Variants in MAK observed in about 807,000 individuals in gnomAD.
MAK encodes serine/threonine-protein kinase MAK.
In MAK, 65 loss-of-function variants were observed where a neutral mutation model predicts 82.6. The observed-to-expected ratio is 0.79, with a 90% CI of 0.64 to 0.97. The LOEUF is 0.97. Among genes scored for constraint, MAK ranks in the 50% least tolerant of loss-of-function variants. The probability of loss-of-function intolerance (pLI) is 0.00; values close to 1 mark genes in which losing one functional copy is unlikely to be tolerated. For missense variants in MAK, 703 were observed against 780.2 expected, an observed-to-expected ratio of 0.90 and a Z score of 1.18; for synonymous variants, 250 against 274.2, an observed-to-expected ratio of 0.91 and a Z score of 0.87.
In MAK at chr6:10,793,691, T is replaced by TA. The variant is rs1425175001; in HGVS notation, c.1144-1845dup. Among the ~76,000 whole-genome samples, 7 of 152,202 alleles carry TA rather than the reference T, an allele frequency of 4.6e-5. No individual in the cohort carries two copies. The highest frequency in any genetic ancestry group is 1.7e-4 in the African/African-American group (7 of 41,446). ...ATGTGTGTGTGGCGGGGCTGGGGGCTAGGTTATTCTCTTTAACTTAGAGAA... is the reference window on the plus strand; with the variant it reads ...ATGTGTGTGTGGCGGGGCTGGGGGCTAAGGTTATTCTCTTTAACTTAGAGAA... On this transcript the variant is annotated intron_variant, in intron 9 of 14. Coordinates refer to ENST00000354489, the MANE Select transcript of MAK (RefSeq NM_001242957.3). The surrounding 1 kb of genome is among the most constrained non-coding windows in gnomAD (Gnocchi z 4.6).
chr6:10,781,444 G>C (rs1319947686), intron 11 of MAK, among the ~76,000 whole-genome samples: 2 of 130,992 alleles, frequency 1.5e-5, no homozygotes, highest in Non-Finnish European at 3.1e-5. Context: ...TTTTTTTTGA[G>C]ACAGAGTCTC....
intron 13 of MAK, 95 bp downstream of exon 13, chr6:10,772,939 G>T: frequency 2.6e-6 from 2 of 781,024 alleles, no homozygotes; most frequent in Non-Finnish European, 4.3e-6. Flanking sequence ...GGATCATCTC[G>T]GCCTTTTATG....
chr6:10,773,146 A>C (rs1442837544), intron 12 of MAK, 38 bp from the exon 13 acceptor site: 5 of 1,126,074 alleles, frequency 4.4e-6, no homozygotes, highest in Admixed American at 2.2e-5. Flanking sequence ...AATAATAGTA[A>C]GGAGAATGTT....
At chr6:10,797,761 G>C in intron 8 of MAK, 1 of 1,231,488 alleles carries the variant, frequency 8.1e-7, no homozygotes. Flanking sequence ...ATGTGTAAGG[G>C]CAGTTTTTAG....
intron 14 of MAK, among the ~76,000 whole-genome samples, chr6:10,768,713 C>T (rs373271743): frequency 1.3e-5 from 2 of 152,206 alleles, no homozygotes; most frequent in South Asian, 4.1e-4. Flanking sequence ...GATAATGAAG[C>T]AATTCTTTTC....
chr6:10,794,628 C>T (rs966683269), intron 9 of MAK, among the ~76,000 whole-genome samples: 1 of 152,134 alleles, frequency 6.6e-6, no homozygotes, highest in Admixed American at 6.6e-5. Flanking sequence ...TAAAATACTA[C>T]AGCAACTGAA....
chr6:10,795,249 C>T (rs916802822), intron 9 of MAK, among the ~76,000 whole-genome samples: 2 of 151,806 alleles, frequency 1.3e-5, no homozygotes, highest in Admixed American at 6.6e-5. Flanking sequence ...GTCAGGAGTT[C>T]GAGACCAGCC....
At position 10,765,696 on chromosome 6, in the gene MAK, GTGATCCACCCACCTCAGCCTTGCCAA is replaced by G. The variant is rs545507386; in HGVS notation, c.1793-1116_1793-1091del. On this transcript the variant is annotated intron_variant, in intron 14 of 14. Coordinates refer to ENST00000354489, the MANE Select transcript of MAK (RefSeq NM_001242957.3). ...GCTGGTCTGGAACTCCTGACCTAAG[GTGATCCACCCACCTCAGCCTTGCCAA>G]TGATCCACCCACCTCAGCCTCCCAA... Among the ~76,000 whole-genome samples the G allele has an allele frequency of 8.6e-3, 1,306 of 152,032 alleles. 12 individuals are homozygous for G. The highest frequency in any genetic ancestry group is 0.014 in the Middle Eastern group (4 of 292).
intron 7 of MAK, among the ~76,000 whole-genome samples, chr6:10,803,368 A>T (rs921261092): frequency 1.8e-4 from 28 of 152,042 alleles, no homozygotes; most frequent in Non-Finnish European, 1.8e-4. Flanking sequence ...AACATGGTGA[A>T]ATCTCCTCTC....
intron 2 of MAK, 68 bp from the exon 3 acceptor site, chr6:10,819,008 G>A: frequency 1.2e-6 from 1 of 854,212 alleles, no homozygotes. Context: ...TACACTGTTG[G>A]CTTTCTTACT....
At chr6:10,783,820 A>G (rs1294404667) in intron 11 of MAK, among the ~76,000 whole-genome samples, 1 of 152,160 alleles carries the variant, frequency 6.6e-6, no homozygotes, top group Non-Finnish European at 1.5e-5. Context: ...GGAGATCGAG[A>G]CCATCCCGGC....
In MAK at chr6:10,817,129, A is replaced by T. The variant is rs1008480; in HGVS notation, c.278+721T>A. 8.0e-5 allele frequency among the ~76,000 whole-genome samples: 12 copies of T among 149,952 alleles called. No homozygotes were observed. The South Asian group carries it at 8.4e-4, about 11-fold the overall frequency. On this transcript the variant is annotated intron_variant, in intron 4 of 14. Transcript: ENST00000354489. The stretch of plus-strand genomic sequence containing the variant: ...GTAACATCCTCAGACCTTGAGCGAG[A>T]GTGTGTGTGTGTGTGTGTGTGTGTA...
At chr6:10,768,544 G>A (rs1772684929) in intron 14 of MAK, among the ~76,000 whole-genome samples, 1 of 152,090 alleles carries the variant, frequency 6.6e-6, no homozygotes, top group Non-Finnish European at 1.5e-5. Flanking sequence ...TCACACCACT[G>A]CACTCCAGCC....
intron 2 of MAK, among the ~76,000 whole-genome samples, chr6:10,826,979 T>C (rs897419983): frequency 6.6e-6 from 1 of 152,030 alleles, no homozygotes. Context: ...GGCGTGGTGG[T>C]ACATGCCTGT....
chr6:10,767,767 G>A (rs1368685242), intron 14 of MAK, among the ~76,000 whole-genome samples: 1 of 150,794 alleles, frequency 6.6e-6, no homozygotes, highest in Non-Finnish European at 1.5e-5. Context: ...ACTCCAGGCT[G>A]GTGACAGAGC....
rs536691744 is a variant in MAK, at chr6:10,785,251, C to T, written c.1317-679G>A. On this transcript the variant is annotated intron_variant, in intron 10 of 14. Transcript: ENST00000354489. ...TCGAGGCTTAGTTCTGTCTCATTCCCGAGGCCTGTCCCTGAGGCCTGTTTG... is the reference window on the plus strand; with the variant it reads ...TCGAGGCTTAGTTCTGTCTCATTCCTGAGGCCTGTCCCTGAGGCCTGTTTG... 3.9e-5 allele frequency among the ~76,000 whole-genome samples: 6 copies of T among 152,276 alleles called. No individual in the cohort carries two copies. In the East Asian group the frequency reaches 5.8e-4, roughly 15 times the overall value.
intron 5 of MAK, among the ~76,000 whole-genome samples, chr6:10,812,092 AG>A (rs1387254366): frequency 9.9e-5 from 15 of 152,086 alleles, no homozygotes; most frequent in African/African-American, 3.4e-4. Flanking sequence ...CCCAGCTACT[AG>A]GGAGGCTGAG....
At position 10,818,385 on chromosome 6, in the gene MAK, G is replaced by A. The variant is rs190235832; in HGVS notation, c.157-414C>T. Among the ~76,000 whole-genome samples, 311 of 152,256 alleles carry A rather than the reference G, an allele frequency of 2.0e-3. 1 individual carries two copies. Among genetic ancestry groups the A allele is most frequent in the Non-Finnish European group, 3.6e-3 (243 of 68,008 alleles). ...TCCCAGCACTTTGGGAGGCTGAGGC[G>A]GGCAGATCACCTGAGGTCAGGAGTT... On this transcript the variant is annotated intron_variant, in intron 3 of 14. Coordinates refer to ENST00000354489, the MANE Select transcript of MAK (RefSeq NM_001242957.3).
At chr6:10,791,637 A>G (rs749564673) in intron 10 of MAK, 38 bp downstream of exon 10, 2 of 1,583,672 alleles carry the variant, frequency 1.3e-6, no homozygotes, top group Non-Finnish European at 8.7e-7. Context: ...AAGTTAATGC[A>G]TGGCAAAAAT....
Sources: allele counts gnomAD v4.1 joint callset (sites outside exome capture counted in the v4.1 genomes callset), GRCh38; gene constraint gnomAD v4.1.1; non-coding constraint Gnocchi (gnomAD v3.1); transcripts MANE v1.5; gene names NCBI Gene and HGNC (gene_info 2026-07-23, HGNC 2026-07-21).